The following LIPC variants were observed in gnomAD, a reference collection of about 807,000 sequenced individuals.
The protein encoded by LIPC is lipase C, hepatic type.
In LIPC, 44 loss-of-function variants were observed where a neutral mutation model predicts 50.7. The ratio of observed to expected loss-of-function variants is 0.87; its 90% CI spans 0.68 to 1.11. The LOEUF (loss-of-function observed/expected upper bound fraction) is 1.11. LIPC is among the 50% of genes most tolerant of loss of function. LIPC has a pLI of 0.00. For missense variants in LIPC, 697 were observed against 648.2 expected (o/e 1.08, Z -0.82); for synonymous variants, 271 against 256.4 (o/e 1.06, Z -0.54).
chr15:58,540,814 G>C (rs78415410), intron 2 of LIPC, among the ~76,000 whole-genome samples: 2,356 of 152,098 alleles, frequency 0.015, 22 homozygotes, highest in Middle Eastern at 0.037. Flanking sequence ...TCTTTGTTTT[G>C]TTTTGTTGCG....
Position 58,565,166 on chromosome 15 carries a change from C to A in LIPC, c.1388+1443C>A, listed in dbSNP as rs553599768. On this transcript the variant is annotated intron_variant, in intron 8 of 8. Coordinates refer to ENST00000299022, the MANE Select transcript of LIPC (RefSeq NM_000236.3). ...GGCAATTACTGAGAGCATACTCTGC[C>A]GTCTGCCAACAGATCTCCCAACAGG... 774 of 1,532,154 alleles carry A rather than the reference C, an allele frequency of 5.1e-4. 9 individuals carry two copies. In the South Asian group the frequency reaches 5.5e-3, roughly 11 times the overall value. 94.9% of individuals were successfully genotyped at this position (1,532,154 alleles called of 1,614,324 possible).
intron 1 of LIPC, among the ~76,000 whole-genome samples, chr15:58,485,255 G>A (rs1891332279): frequency 6.6e-6 from 1 of 152,200 alleles, no homozygotes; most frequent in African/African-American, 2.4e-5. Context: ...GGATGGGCTG[G>A]AGGTGGATAA....
chr15:58,436,935 T>C (rs1893319241), intron 1 of LIPC: 2 of 451,970 alleles, frequency 4.4e-6, no homozygotes, highest in African/African-American at 4.0e-5. Context: ...AGAAAAAATA[T>C]CCCATAGAAC....
intron 6 of LIPC, among the ~76,000 whole-genome samples, chr15:58,560,652 CAATATAA>C (rs1485868412): frequency 9.5e-4 from 1 of 1,058 alleles, no homozygotes; most frequent in Non-Finnish European, 0.012. Flanking sequence ...ATTACAAACA[CAATATAA>C]GTCCTGAATA....
At chr15:58,477,382 T>C (rs1236034174) in intron 1 of LIPC, among the ~76,000 whole-genome samples, 1 of 152,178 alleles carries the variant, frequency 6.6e-6, no homozygotes. Flanking sequence ...GCAGAATGCC[T>C]GCATAGCAGT....
chr15:58,508,894 T>TTC (rs1892247635), intron 1 of LIPC, among the ~76,000 whole-genome samples: 1 of 152,154 alleles, frequency 6.6e-6, no homozygotes, highest in Non-Finnish European at 1.5e-5. Flanking sequence ...GCATCCTTTC[T>TTC]TCTCTCCTAG....
At position 58,489,223 on chromosome 15, in the gene LIPC, C is replaced by CG. The variant is rs1169740711; in HGVS notation, c.89-49103dup. ...TTAGGGATTCATTTTGTTGCGGGGG[C>CG]GGGGGGGCGGCTTACAAGCTTCCCA... is the stretch of plus-strand genomic sequence containing the variant. On this transcript the variant is annotated intron_variant, in intron 1 of 8. Transcript: ENST00000299022. Among the ~76,000 whole-genome samples, 57 of 67,286 alleles carry CG rather than the reference C, an allele frequency of 8.5e-4. 12 individuals carry two copies. In the East Asian group the frequency reaches 9.8e-3, roughly 12 times the overall value. 44.1% of individuals were successfully genotyped at this position (67,286 alleles called of 152,430 possible).
chr15:58,506,975 T>C (rs569093422), intron 1 of LIPC, among the ~76,000 whole-genome samples: 6 of 152,190 alleles, frequency 3.9e-5, no homozygotes, highest in East Asian at 3.9e-4. Context: ...CAAGGAGAAA[T>C]GCCCAGCGAA....
intron 1 of LIPC, among the ~76,000 whole-genome samples, chr15:58,492,804 T>C (rs1595893945): frequency 6.6e-6 from 1 of 152,220 alleles, no homozygotes; most frequent in Admixed American, 6.5e-5. Flanking sequence ...TGGGACAGGA[T>C]GGAAATCCAT....
chr15:58,567,212 A>ATATATAT (rs1458100990), intron 8 of LIPC, among the ~76,000 whole-genome samples: 11 of 139,270 alleles, frequency 7.9e-5, no homozygotes, highest in Non-Finnish European at 1.4e-4. Flanking sequence ...AAAAAAATAA[A>ATATATAT]AAATATATAT....
chr15:58,460,786 G>A (rs751141717), intron 1 of LIPC, among the ~76,000 whole-genome samples: 2 of 152,194 alleles, frequency 1.3e-5, no homozygotes, highest in Non-Finnish European at 2.9e-5. Flanking sequence ...AACAGCCAGC[G>A]AGAATGGGAA....
intron 1 of LIPC, among the ~76,000 whole-genome samples, chr15:58,489,507 T>C (rs1227242203): frequency 2.0e-5 from 3 of 152,016 alleles, no homozygotes; most frequent in Non-Finnish European, 4.4e-5. Context: ...CATAGGGTTA[T>C]GGAAAACGGT....
chr15:58,542,762 G>T, intron 4 of LIPC, 111 bp downstream of exon 4: 1 of 748,838 alleles, frequency 1.3e-6, no homozygotes, highest in African/African-American at 1.7e-5. Context: ...TTATTGTGAG[G>T]GATCAGCGCT....
chr15:58,536,892 C>A (rs1417707650), intron 1 of LIPC, among the ~76,000 whole-genome samples: 2 of 152,198 alleles, frequency 1.3e-5, no homozygotes, highest in Non-Finnish European at 2.9e-5. Flanking sequence ...AACACCTCCC[C>A]TTGCACTTTG....
chr15:58,563,549 C>T lies in LIPC; in HGVS notation c.1214C>T (p.Thr405Met), dbSNP rs113298164. ...AATAAAACGTATTCCTTTCTTATCA[C>T]GCTGGATGTGGATATCGGCGAGCTG... ...ASNKTYSFLI[T>M]LDVDIGELIM... is the part of the protein sequence containing the mutation. Residue 405 changes from threonine to methionine, a missense_variant, in exon 8 of 9, where the codon ACG (threonine) becomes ATG (methionine). By Grantham distance (81) the Thr-to-Met change is moderately conservative. Transcript: ENST00000299022. The T allele has an allele frequency of 2.5e-3, 4,114 of 1,614,152 alleles. 19 individuals are homozygous for T. Among genetic ancestry groups the T allele is most frequent in the Non-Finnish European group, 2.4e-3 (2,871 of 1,180,012 alleles).
intron 1 of LIPC, among the ~76,000 whole-genome samples, chr15:58,526,380 C>T (rs73424693): frequency 0.02 from 2,973 of 152,282 alleles, 114 homozygotes; most frequent in African/African-American, 0.068. Flanking sequence ...AGTTTGGCTC[C>T]TCGAGGTGCC....
chr15:58,567,308 T>C (rs867942378), intron 8 of LIPC, among the ~76,000 whole-genome samples: 26 of 29,772 alleles, frequency 8.7e-4, no homozygotes, highest in Admixed American at 3.4e-3. Context: ...TATATATACA[T>C]ATATATGTAT....
chr15:58,563,508 C>T lies in LIPC; in HGVS notation c.1173C>T (p.Gly391=), dbSNP rs1277169258. The T allele has an allele frequency of 6.2e-7, 1 of 1,612,496 alleles. No individual in the cohort carries two copies. The highest frequency in any genetic ancestry group is 8.5e-7 in the Non-Finnish European group (1 of 1,178,756). The change falls in exon 8 of 9, where the codon GGC becomes GGT. Residue 391 remains glycine, a synonymous_variant. Transcript: ENST00000299022. The part of the protein sequence containing the change: ...EKMQKIPITL[G]KGIASNKTYS... ...TGATTTTCTTTGTGTATTCAAGGGG[C>T]AAAGGAATTGCTAGTAATAAAACGT...
intron 1 of LIPC, among the ~76,000 whole-genome samples, chr15:58,450,994 T>C (rs1893879779): frequency 6.6e-6 from 1 of 152,156 alleles, no homozygotes; most frequent in South Asian, 2.1e-4. Flanking sequence ...GAGGCTGCAA[T>C]TGCGATTTAT....
Sources: allele counts gnomAD v4.1 joint callset (sites outside exome capture counted in the v4.1 genomes callset), GRCh38; gene constraint gnomAD v4.1.1; transcripts MANE v1.5; gene names NCBI Gene and HGNC (gene_info 2026-07-23, HGNC 2026-07-21).